The following CEP112 variants were observed in gnomAD, a reference collection of about 807,000 sequenced individuals.
The protein encoded by CEP112 is centrosomal protein of 112 kDa.
In CEP112, 127 loss-of-function variants were observed where a neutral mutation model predicts 153.0. The observed-to-expected ratio is 0.83, with a 90% CI of 0.72 to 0.96. The LOEUF (loss-of-function observed/expected upper bound fraction) is 0.96. Among genes scored for constraint, CEP112 ranks in the 40% least tolerant of loss-of-function variants. The pLI, the probability that CEP112 is intolerant of heterozygous loss-of-function variation, is 0.00. For synonymous variants in CEP112, 358 were observed against 374.4 expected (o/e 0.96, Z 0.51); for missense variants, 1,089 against 1,101.2 (o/e 0.99, Z 0.16).
At chr17:66,033,966 C>T (rs1328838973) in intron 12 of CEP112, among the ~76,000 whole-genome samples, 1 of 151,864 alleles carries the variant, frequency 6.6e-6, no homozygotes, top group Non-Finnish European at 1.5e-5. Context: ...AAATGGTGAT[C>T]AAAAATACAA....
Position 65,860,014 on chromosome 17 carries a change from CA to C in CEP112, c.2164-7981del, listed in dbSNP as rs1186022956. On this transcript the variant is annotated intron_variant, in intron 20 of 26. Coordinates refer to ENST00000535342, the MANE Select transcript of CEP112 (RefSeq NM_001199165.4). The stretch of plus-strand genomic sequence containing the variant: ...CAGGAGACAGTGTGAGACTCCATCT[CA>C]AAAAAAAAAAAAAAACAAAAACCTA... Among the ~76,000 whole-genome samples the C allele has an allele frequency of 9.5e-3, 480 of 50,404 alleles. 5 individuals carry two copies. The highest frequency in any genetic ancestry group is 0.026 in the African/African-American group (403 of 15,484). 33.1% of individuals were successfully genotyped at this position (50,404 alleles called of 152,430 possible).
intron 23 of CEP112, among the ~76,000 whole-genome samples, chr17:65,721,300 G>A (rs188414408): frequency 7.9e-4 from 121 of 152,204 alleles, no homozygotes; most frequent in African/African-American, 2.6e-3. Flanking sequence ...ATGAGCCACC[G>A]CGCCCAGGCT....
At chr17:65,646,810 G>A (rs1266857195) in intron 24 of CEP112, among the ~76,000 whole-genome samples, 1 of 152,200 alleles carries the variant, frequency 6.6e-6, no homozygotes, top group East Asian at 1.9e-4. Context: ...CACAACAGGG[G>A]CCAGGGCCAG....
chr17:66,010,930 G>A (rs574527378), intron 16 of CEP112, among the ~76,000 whole-genome samples: 9 of 151,886 alleles, frequency 5.9e-5, no homozygotes, highest in African/African-American at 7.2e-5. Flanking sequence ...TTTTTTTGTC[G>A]TGTCTCTGTA....
intron 20 of CEP112, among the ~76,000 whole-genome samples, chr17:65,894,247 T>C (rs1385778643): frequency 6.6e-6 from 1 of 152,136 alleles, no homozygotes; most frequent in Non-Finnish European, 1.5e-5. Flanking sequence ...TAATGCTTTT[T>C]CTCTGGAGTA....
At position 65,711,034 on chromosome 17, in the gene CEP112, G is replaced by A. The variant is rs371212119; in HGVS notation, c.2608-21816C>T. On this transcript the variant is annotated intron_variant, in intron 23 of 26. Coordinates refer to ENST00000535342, the MANE Select transcript of CEP112 (RefSeq NM_001199165.4). ...TGAGACAGCATGGCTCGTTGGTGGC[G>A]ACGAGTGGGTGGCGAACTGGAGCTT... 3.9e-5 allele frequency among the ~76,000 whole-genome samples: 6 copies of A among 152,196 alleles called. No homozygotes were observed. In the East Asian group the frequency reaches 7.7e-4, roughly 20 times the overall value.
At chr17:66,059,887 G>A (rs532265008) in intron 11 of CEP112, among the ~76,000 whole-genome samples, 11 of 152,222 alleles carry the variant, frequency 7.2e-5, no homozygotes, top group African/African-American at 2.6e-4. Flanking sequence ...CAAAGACATG[G>A]AATCAACCTA....
intron 1 of CEP112, among the ~76,000 whole-genome samples, chr17:66,183,696 T>C (rs1055196580): frequency 6.6e-6 from 1 of 151,960 alleles, no homozygotes; most frequent in Non-Finnish European, 1.5e-5. Context: ...CAACTGATTT[T>C]CAACAAAGGT....
At chr17:66,048,266 A>G (rs2066296748) in intron 12 of CEP112, among the ~76,000 whole-genome samples, 1 of 152,188 alleles carries the variant, frequency 6.6e-6, no homozygotes. Context: ...AGACATCAAG[A>G]GTAATTATGA....
chr17:65,826,997 A>C (rs1568077231), intron 21 of CEP112, among the ~76,000 whole-genome samples: 1 of 152,218 alleles, frequency 6.6e-6, no homozygotes, highest in Non-Finnish European at 1.5e-5. Flanking sequence ...AGAATAAAGC[A>C]GGCAGAAGAA....
chr17:66,155,235 A>G (rs1362652811), intron 4 of CEP112, among the ~76,000 whole-genome samples: 3 of 152,184 alleles, frequency 2.0e-5, no homozygotes, highest in Admixed American at 1.3e-4. Context: ...TGCAGCCCAC[A>G]GAGGGCGAGC....
intron 21 of CEP112, among the ~76,000 whole-genome samples, chr17:65,837,022 C>G (rs1220124077): frequency 6.6e-6 from 1 of 152,210 alleles, no homozygotes; most frequent in Non-Finnish European, 1.5e-5. Flanking sequence ...CCGGGCTGGT[C>G]TCCAGCTCCT....
intron 6 of CEP112, among the ~76,000 whole-genome samples, chr17:66,110,403 T>C (rs754419103): frequency 6.6e-6 from 1 of 150,988 alleles, no homozygotes; most frequent in Non-Finnish European, 1.5e-5. Context: ...GACAAACCAA[T>C]TGAACCAACT....
At chr17:66,145,055 T>C (rs925948729) in intron 4 of CEP112, among the ~76,000 whole-genome samples, 1 of 152,226 alleles carries the variant, frequency 6.6e-6, no homozygotes, top group Non-Finnish European at 1.5e-5. Flanking sequence ...TTTATAATTT[T>C]AGCCATTTAT....
intron 21 of CEP112, among the ~76,000 whole-genome samples, chr17:65,775,145 G>A (rs1244558906): frequency 6.6e-5 from 10 of 152,038 alleles, no homozygotes; most frequent in Non-Finnish European, 1.2e-4. Flanking sequence ...TCAACATAGG[G>A]GAGAGGAACC....
intron 23 of CEP112, among the ~76,000 whole-genome samples, chr17:65,720,993 A>C (rs7207623): frequency 0.19 from 24,287 of 128,064 alleles, 2,383 homozygotes; most frequent in African/African-American, 0.33. Context: ...TTTAAGTTTT[A>C]TCTCTCTCTC....
At chr17:65,958,574 C>T (rs974992395) in intron 18 of CEP112, among the ~76,000 whole-genome samples, 1 of 44,224 alleles carries the variant, frequency 2.3e-5, no homozygotes, top group Non-Finnish European at 4.8e-5. Context: ...TGGGTGCTGT[C>T]GCATGCCAGC....
At chr17:66,038,908 T>C (rs955247217) in intron 12 of CEP112, among the ~76,000 whole-genome samples, 2 of 152,068 alleles carry the variant, frequency 1.3e-5, no homozygotes, top group Non-Finnish European at 1.5e-5. Flanking sequence ...GGAAGAGTAA[T>C]TGGCAGGTTA....
chr17:65,916,675 T>G (rs1453297131), intron 19 of CEP112, among the ~76,000 whole-genome samples: 1 of 151,728 alleles, frequency 6.6e-6, no homozygotes, highest in Non-Finnish European at 1.5e-5. Flanking sequence ...GCCTCTAAAA[T>G]AGCTTGGAAC....
Sources: allele counts gnomAD v4.1 joint callset (sites outside exome capture counted in the v4.1 genomes callset), GRCh38; gene constraint gnomAD v4.1.1; transcripts MANE v1.5; gene names NCBI Gene and HGNC (gene_info 2026-07-23, HGNC 2026-07-21).